The following KCNQ1 variants were observed in gnomAD, a reference collection of about 807,000 sequenced individuals.
The protein encoded by KCNQ1 is potassium voltage-gated channel subfamily KQT member 1.
KCNQ1 carries 49 observed loss-of-function variants against 72.4 expected under a neutral mutation model. That is an observed-to-expected ratio of 0.68 (90% CI 0.54 to 0.86). The LOEUF (loss-of-function observed/expected upper bound fraction) is 0.86. KCNQ1 is among the 40% of genes least tolerant of loss of function. The probability of loss-of-function intolerance (pLI) is 0.00; values close to 1 mark genes in which losing one functional copy is unlikely to be tolerated. For missense variants in KCNQ1, 790 were observed against 945.1 expected, an observed-to-expected ratio of 0.84 and a Z score of 2.15; for synonymous variants, 450 against 412.6, an observed-to-expected ratio of 1.09 and a Z score of -1.10.
intron 11 of KCNQ1, among the ~76,000 whole-genome samples, chr11:2,727,792 A>G (rs1358647669): frequency 1.3e-5 from 2 of 152,130 alleles, no homozygotes; most frequent in African/African-American, 2.4e-5. Context: ...GTCGATGTAC[A>G]ACACCAAGCA....
chr11:2,794,359 G>C (rs1238543104), intron 15 of KCNQ1, among the ~76,000 whole-genome samples: 1 of 152,224 alleles, frequency 6.6e-6, no homozygotes. Flanking sequence ...GCTGAGGTAG[G>C]AGGGTCAGGA....
intron 1 of KCNQ1, among the ~76,000 whole-genome samples, chr11:2,476,880 G>A (rs1264786921): frequency 6.6e-6 from 1 of 152,142 alleles, no homozygotes; most frequent in African/African-American, 2.4e-5. Flanking sequence ...TAGAGACAAA[G>A]GTTTCATTAT....
rs1851013758 is a variant in KCNQ1, at chr11:2,711,875, C to T, written c.1514+49794C>T. ...TGCCTTTGAGGGGAGGCAGAGTTGG[C>T]TCACGGGAAAGGCTGGCCCTGAGGC... On this transcript the variant is annotated intron_variant, in intron 11 of 15. Transcript: ENST00000155840. This position sits in a 1 kb window ranked among gnomAD's most constrained non-coding sequence, Gnocchi z 5.4. Among the ~76,000 whole-genome samples the T allele has an allele frequency of 6.6e-6, 1 of 152,122 alleles. No homozygotes were observed. The highest frequency in any genetic ancestry group is 1.5e-5 in the Non-Finnish European group (1 of 68,008).
rs1370611894 is a variant in KCNQ1 at position 2,704,193 on chromosome 11, T to G, written c.1514+42112T>G. Reference sequence around the variant, plus strand: ...TGCAACGCCCACCTTCTTCCTTCACTGGTCATAGGTTTCTGCTGACCCTGC... The same window carrying G: ...TGCAACGCCCACCTTCTTCCTTCACGGGTCATAGGTTTCTGCTGACCCTGC... On this transcript the variant is annotated intron_variant, in intron 11 of 15. Transcript: ENST00000155840. The surrounding 1 kb of genome is among the most constrained non-coding windows in gnomAD (Gnocchi z 4.3). 6.6e-6 allele frequency among the ~76,000 whole-genome samples: 1 copy of G among 152,236 alleles called. No individual in the cohort carries two copies. Among genetic ancestry groups the G allele is most frequent in the African/African-American group, 2.4e-5 (1 of 41,462 alleles).
chr11:2,668,202 ATCAT>A lies in KCNQ1; in HGVS notation c.1514+6126_1514+6129del. Reference sequence around the variant, plus strand: ...GTGCTCCATTGTGTGCATGGCCTACATCATTCATCCATTCTACCACCTGTGGCCA... The same window carrying A: ...GTGCTCCATTGTGTGCATGGCCTACATCATCCATTCTACCACCTGTGGCCA... On this transcript the variant is annotated intron_variant, in intron 11 of 15. Coordinates refer to ENST00000155840, the MANE Select transcript of KCNQ1 (RefSeq NM_000218.3). This position sits in a 1 kb window ranked among gnomAD's most constrained non-coding sequence, Gnocchi z 4.3. The A allele has an allele frequency of 2.5e-6, 1 of 398,610 alleles. No homozygotes were observed. The highest frequency in any genetic ancestry group is 4.4e-6 in the Non-Finnish European group (1 of 226,074). 24.7% of individuals were successfully genotyped at this position (398,610 alleles called of 1,614,324 possible). A position where few individuals can be genotyped will look rare whatever the true frequency, so the allele number is the denominator to read the frequency against.
rs1436803746 is a variant in KCNQ1 at position 2,462,625 on chromosome 11, G to A, written c.386+17141G>A. Among the ~76,000 whole-genome samples the A allele has an allele frequency of 6.6e-6, 1 of 152,010 alleles. No individual in the cohort carries two copies. The highest frequency in any genetic ancestry group is 1.9e-4 in the East Asian group (1 of 5,176). ...CTGCAGGTGCTTTCTGCTGACTTCTGTGTGCCCTGGGGCCTGCTCTCTTGG... is the reference window on the plus strand; with the variant it reads ...CTGCAGGTGCTTTCTGCTGACTTCTATGTGCCCTGGGGCCTGCTCTCTTGG... On this transcript the variant is annotated intron_variant, in intron 1 of 15. Coordinates refer to ENST00000155840, the MANE Select transcript of KCNQ1 (RefSeq NM_000218.3). The surrounding 1 kb of genome is among the most constrained non-coding windows in gnomAD (Gnocchi z 8.2).
At chr11:2,793,374 C>T (rs1172818901) in intron 15 of KCNQ1, among the ~76,000 whole-genome samples, 1 of 138,384 alleles carries the variant, frequency 7.2e-6, no homozygotes, top group African/African-American at 2.7e-5. Context: ...AATCCCAGCT[C>T]TTTAGGAGGC....
rs1339482433 is a variant in KCNQ1 at position 2,668,362 on chromosome 11, C to T, written c.1514+6281C>T. 5.0e-6 allele frequency: 2 copies of T among 398,444 alleles called. No individual in the cohort carries two copies. The highest frequency in any genetic ancestry group is 8.8e-6 in the Non-Finnish European group (2 of 226,072). 24.7% of individuals were successfully genotyped at this position (398,444 alleles called of 1,614,324 possible). A position where few individuals can be genotyped will look rare whatever the true frequency, so the allele number is the denominator to read the frequency against. On this transcript the variant is annotated intron_variant, in intron 11 of 15. Coordinates refer to ENST00000155840, the MANE Select transcript of KCNQ1 (RefSeq NM_000218.3). This position sits in a 1 kb window ranked among gnomAD's most constrained non-coding sequence, Gnocchi z 4.3. The stretch of plus-strand genomic sequence containing the variant: ...AGGGTCCTGGGTGGGCATATGTTTA[C>T]TCTTAGTGAATACTACCCAGCAGTC...
rs1048197912 is a variant in KCNQ1 at position 2,521,622 on chromosome 11, G to C, written c.387-6306G>C. ...AGCTGGAGTTCTAAGGGCACCCCTTGAGCTGCCCACGTGTCTTTGCACGTG... is the reference window on the plus strand; with the variant it reads ...AGCTGGAGTTCTAAGGGCACCCCTTCAGCTGCCCACGTGTCTTTGCACGTG... On this transcript the variant is annotated intron_variant, in intron 1 of 15. Transcript: ENST00000155840. 3.3e-5 allele frequency: 15 copies of C among 448,834 alleles called. No homozygotes were observed. In the Admixed American group the frequency reaches 3.4e-4, roughly 10 times the overall value. 27.8% of individuals were successfully genotyped at this position (448,834 alleles called of 1,614,324 possible). A position where few individuals can be genotyped will look rare whatever the true frequency, so the allele number is the denominator to read the frequency against.
In KCNQ1 at chr11:2,746,051, A is replaced by G. The variant is rs989657666; in HGVS notation, c.1515-22793A>G. ...ACTACAGGTGTGCGCCACCACACCT[A>G]GCTAATTTTTGTATTTTTGGTAGAG... On this transcript the variant is annotated intron_variant, in intron 11 of 15. Transcript: ENST00000155840. This position sits in a 1 kb window ranked among gnomAD's most constrained non-coding sequence, Gnocchi z 5.9. Among the ~76,000 whole-genome samples, 2 of 152,048 alleles carry G rather than the reference A, an allele frequency of 1.3e-5. No homozygotes were observed. The highest frequency in any genetic ancestry group is 4.8e-5 in the African/African-American group (2 of 41,414).
At chr11:2,635,238 A>C (rs527381227) in intron 10 of KCNQ1, 1 of 152,172 alleles carries the variant, frequency 6.6e-6, no homozygotes, top group Non-Finnish European at 1.5e-5. Context: ...TTGGTGTTTT[A>C]GACATGAAGT....
rs999991115 is a variant in KCNQ1 at position 2,612,256 on chromosome 11, T to C, written c.1393+23402T>C. The C allele has an allele frequency of 2.0e-5, 8 of 398,570 alleles. No individual in the cohort carries two copies. Among genetic ancestry groups the C allele is most frequent in the Non-Finnish European group, 3.5e-5 (8 of 226,056 alleles). 24.7% of individuals were successfully genotyped at this position (398,570 alleles called of 1,614,324 possible). A position where few individuals can be genotyped will look rare whatever the true frequency, so the allele number is the denominator to read the frequency against. ...GCATTAGATTCTCACAGAGAGCAAA[T>C]CCTATTGTGAACTGAGCATGTGAGG... On this transcript the variant is annotated intron_variant, in intron 10 of 15. Coordinates refer to ENST00000155840, the MANE Select transcript of KCNQ1 (RefSeq NM_000218.3). This position sits in a 1 kb window ranked among gnomAD's most constrained non-coding sequence, Gnocchi z 5.5.
rs531164980 is a variant in KCNQ1 at position 2,828,094 on chromosome 11, G to A, written c.1795-19673G>A. Among the ~76,000 whole-genome samples the A allele has an allele frequency of 6.6e-6, 1 of 152,230 alleles. No homozygotes were observed. The highest frequency in any genetic ancestry group is 1.5e-5 in the Non-Finnish European group (1 of 68,036). ...GGCAGCACCACACAGGAGCCAGCAG[G>A]GAAGGGGCCACAGCCGGGACTCAGA... On this transcript the variant is annotated intron_variant, in intron 15 of 15. Coordinates refer to ENST00000155840, the MANE Select transcript of KCNQ1 (RefSeq NM_000218.3). This position sits in a 1 kb window ranked among gnomAD's most constrained non-coding sequence, Gnocchi z 5.3.
At chr11:2,778,490 G>A (rs968362313) in intron 15 of KCNQ1, among the ~76,000 whole-genome samples, 105 of 152,284 alleles carry the variant, frequency 6.9e-4, no homozygotes, top group African/African-American at 2.5e-3. Flanking sequence ...GGGCCCAGCT[G>A]GGATGGGTTC....
At chr11:2,539,239 G>A (rs902369929) in intron 2 of KCNQ1, among the ~76,000 whole-genome samples, 4 of 152,332 alleles carry the variant, frequency 2.6e-5, no homozygotes, top group Admixed American at 6.5e-5. Flanking sequence ...GGCCTGGCTC[G>A]TGCCTGGTGG....
chr11:2,779,230 G>A (rs1320015528), intron 15 of KCNQ1, among the ~76,000 whole-genome samples: 1 of 152,230 alleles, frequency 6.6e-6, no homozygotes, highest in Non-Finnish European at 1.5e-5. Context: ...CAGCTCACAG[G>A]ATTGGCAAGC....
Position 2,768,759 on chromosome 11 carries a change from G to C in KCNQ1, c.1515-85G>C, listed in dbSNP as rs570268501. 7.0e-6 allele frequency: 7 copies of C among 998,422 alleles called. No individual in the cohort carries two copies. In the East Asian group the frequency reaches 1.4e-4, roughly 20 times the overall value. The allele number at this position is 998,422 out of a possible 1,614,324, so 61.8% of individuals were successfully genotyped here. ...TTGTTTCTGGAAGGATCCAGTCTGC[G>C]TGCTCCTCAGGCAGTGCAGGGGCAG... On this transcript the variant is annotated intron_variant, in intron 11 of 15. Transcript: ENST00000155840. This position sits in a 1 kb window ranked among gnomAD's most constrained non-coding sequence, Gnocchi z 6.7.
intron 10 of KCNQ1, chr11:2,632,983 CAAA>C (rs1213134998): frequency 2.5e-6 from 1 of 398,276 alleles, no homozygotes; most frequent in East Asian, 3.6e-5. Flanking sequence ...GTTTTTTTGA[CAAA>C]ACACCACAGT....
chr11:2,634,719 G>C (rs1485393071), intron 10 of KCNQ1: 1 of 152,144 alleles, frequency 6.6e-6, no homozygotes, highest in Non-Finnish European at 1.5e-5. Context: ...TGGATCAAAT[G>C]GTATTTCTAG....
Sources: gnomAD v4.1 joint callset for allele counts (sites outside exome capture counted in the v4.1 genomes callset) on GRCh38, gnomAD v4.1.1 for gene constraint, Gnocchi (gnomAD v3.1) non-coding constraint, MANE v1.5 for transcripts, NCBI Gene and HGNC (gene_info 2026-07-23, HGNC 2026-07-21) for gene names.